ZNF423: variants seen among roughly 807,000 people sequenced by gnomAD.
ZNF423 encodes Ebf-associated zinc finger protein.
ZNF423 carries 12 observed loss-of-function variants against 95.8 expected under a neutral mutation model. The observed-to-expected ratio is 0.13, with a 90% CI of 0.08 to 0.20. The LOEUF is 0.20. Among genes scored for constraint, ZNF423 ranks in the 10% least tolerant of loss-of-function variants. The pLI, the probability that ZNF423 is intolerant of heterozygous loss-of-function variation, is 1.00. For synonymous variants in ZNF423, 749 were observed against 711.9 expected (o/e 1.05, Z -0.83); for missense variants, 1,316 against 1,737.1 (o/e 0.76, Z 4.31).
At chr16:49,807,652 G>A (rs1316897254) in intron 1 of ZNF423, among the ~76,000 whole-genome samples, 4 of 152,176 alleles carry the variant, frequency 2.6e-5, no homozygotes, top group Admixed American at 2.0e-4. Flanking sequence ...CCCACCCACC[G>A]TGGGGAGCTT....
intron 1 of ZNF423, among the ~76,000 whole-genome samples, chr16:49,844,652 GTCAC>G (rs2035224328): frequency 6.6e-6 from 1 of 152,182 alleles, no homozygotes; most frequent in African/African-American, 2.4e-5. Flanking sequence ...TTACTCACTA[GTCAC>G]TCATTCATTC....
At chr16:49,754,983 A>G (rs1291771585) in intron 2 of ZNF423, among the ~76,000 whole-genome samples, 3 of 152,148 alleles carry the variant, frequency 2.0e-5, no homozygotes, top group Non-Finnish European at 4.4e-5. Flanking sequence ...TTTCTAGAAC[A>G]ATACACTCAC....
chr16:49,797,396 C>T (rs1220021079), intron 1 of ZNF423, among the ~76,000 whole-genome samples: 2 of 152,174 alleles, frequency 1.3e-5, no homozygotes, highest in Non-Finnish European at 2.9e-5. Context: ...AAAGGGGTGC[C>T]CATTCCTTTG....
chr16:49,621,965 G>A (rs573500422), intron 5 of ZNF423, among the ~76,000 whole-genome samples: 2 of 152,088 alleles, frequency 1.3e-5, no homozygotes, highest in South Asian at 2.1e-4. Flanking sequence ...TCTCAACACC[G>A]CAGCCAGATT....
At chr16:49,810,406 C>T (rs2034732770) in intron 1 of ZNF423, among the ~76,000 whole-genome samples, 1 of 152,162 alleles carries the variant, frequency 6.6e-6, no homozygotes, top group African/African-American at 2.4e-5. Flanking sequence ...TTGGAGGCCC[C>T]CACCAGACCT....
intron 3 of ZNF423, among the ~76,000 whole-genome samples, chr16:49,724,274 G>A (rs771149231): frequency 1.3e-5 from 2 of 152,118 alleles, no homozygotes; most frequent in South Asian, 2.1e-4. Context: ...CTGACATAAC[G>A]GGACCATTTC....
At chr16:49,577,982 G>A (rs1970551893) in intron 5 of ZNF423, among the ~76,000 whole-genome samples, 1 of 152,246 alleles carries the variant, frequency 6.6e-6, no homozygotes, top group Admixed American at 6.5e-5. Context: ...ACTGTGGGCA[G>A]GTGGAAGAAG....
At chr16:49,561,076 G>A (rs1019248953) in intron 5 of ZNF423, among the ~76,000 whole-genome samples, 1 of 152,142 alleles carries the variant, frequency 6.6e-6, no homozygotes, top group Non-Finnish European at 1.5e-5. Flanking sequence ...TTAAACCATA[G>A]AGATAATATG....
At chr16:49,575,282 C>G (rs1168491208) in intron 5 of ZNF423, among the ~76,000 whole-genome samples, 1 of 152,166 alleles carries the variant, frequency 6.6e-6, no homozygotes, top group Non-Finnish European at 1.5e-5. Context: ...AGCATTAACT[C>G]TGGCTCCCCG....
chr16:49,851,386 A>G (rs549040069), intron 1 of ZNF423, among the ~76,000 whole-genome samples: 2 of 152,348 alleles, frequency 1.3e-5, no homozygotes, highest in Admixed American at 6.5e-5. Context: ...AGAGAAATCA[A>G]TGCATCTAAT....
At chr16:49,524,642 G>A (rs1216386371) in intron 6 of ZNF423, among the ~76,000 whole-genome samples, 1 of 152,216 alleles carries the variant, frequency 6.6e-6, no homozygotes, top group African/African-American at 2.4e-5. Context: ...CCCAGGAGGT[G>A]GCCCAGAGCA....
chr16:49,742,119 G>C (rs983637764), intron 2 of ZNF423, among the ~76,000 whole-genome samples: 4 of 152,230 alleles, frequency 2.6e-5, no homozygotes, highest in African/African-American at 9.6e-5. Context: ...CCATGACCAG[G>C]ACAGGCTGAC....
chr16:49,842,099 TG>T (rs1388864302), intron 1 of ZNF423, among the ~76,000 whole-genome samples: 43 of 150,072 alleles, frequency 2.9e-4, no homozygotes, highest in Middle Eastern at 3.4e-3. Flanking sequence ...TAGCCAGGCA[TG>T]GGGGGCAGGC....
intron 3 of ZNF423, among the ~76,000 whole-genome samples, chr16:49,658,138 T>G (rs2029989491): frequency 6.6e-6 from 1 of 152,244 alleles, no homozygotes; most frequent in African/African-American, 2.4e-5. Flanking sequence ...GAAACTGGGC[T>G]GGGCAGCCCT....
At chr16:49,580,087 T>C (rs1390294049) in intron 5 of ZNF423, among the ~76,000 whole-genome samples, 3 of 152,216 alleles carry the variant, frequency 2.0e-5, no homozygotes, top group Admixed American at 6.5e-5. Flanking sequence ...GCAATCTTTA[T>C]ACAAACTTAA....
rs1259322712 is a variant in ZNF423, at chr16:49,847,178, C to T, written c.40+8557G>A. 4 of 152,360 alleles carry T rather than the reference C, an allele frequency of 2.6e-5. No individual in the cohort carries two copies. The East Asian group carries it at 7.7e-4, about 29-fold the overall frequency. The allele number at this position is 152,360 out of a possible 1,614,324, so 9.4% of individuals were successfully genotyped here. ...CAGGGGGAGAAAAAGTTTCCAAGCA[C>T]CTCCAAGGAGCGAGGCAGTGAAGAG... is the stretch of plus-strand genomic sequence containing the variant. On this transcript the variant is annotated intron_variant, in intron 1 of 7. Transcript: ENST00000563137.
intron 3 of ZNF423, among the ~76,000 whole-genome samples, chr16:49,647,450 A>G (rs1177985599): frequency 2.0e-5 from 3 of 152,356 alleles, no homozygotes; most frequent in Middle Eastern, 6.8e-3. Flanking sequence ...ACATGGTAAA[A>G]TGGAATTAAG....
chr16:49,769,551 C>T (rs2033993839), intron 2 of ZNF423, among the ~76,000 whole-genome samples: 1 of 152,046 alleles, frequency 6.6e-6, no homozygotes, highest in Non-Finnish European at 1.5e-5. Context: ...AGATATAAAC[C>T]TGATCACGCC....
At chr16:49,585,173 AGACCCCCTC>A (rs1192829411) in intron 5 of ZNF423, among the ~76,000 whole-genome samples, 1 of 152,220 alleles carries the variant, frequency 6.6e-6, no homozygotes, top group Non-Finnish European at 1.5e-5. Flanking sequence ...TCTTCCCCCA[AGACCCCCTC>A]AGGGTAGCAA....
Sources: allele counts gnomAD v4.1 joint callset (sites outside exome capture counted in the v4.1 genomes callset), GRCh38; gene constraint gnomAD v4.1.1; transcripts MANE v1.5; gene names NCBI Gene and HGNC (gene_info 2026-07-23, HGNC 2026-07-21).